The following PCDHGA2 variants were observed in gnomAD, a reference collection of about 807,000 sequenced individuals.
The protein encoded by PCDHGA2 is protocadherin gamma subfamily A, 2.
A neutral mutation model predicts 59.2 loss-of-function variants in PCDHGA2; 40 were observed. The ratio of observed to expected loss-of-function variants is 0.68; its 90% confidence interval spans 0.52 to 0.88. The LOEUF is 0.88. PCDHGA2 is among the 40% of genes least tolerant of loss of function. The probability of loss-of-function intolerance (pLI) is 0.00; values close to 1 mark genes in which losing one functional copy is unlikely to be tolerated. For missense variants in PCDHGA2, 1,226 were observed against 1,204.0 expected (o/e 1.02, Z -0.27); for synonymous variants, 560 against 526.0 (o/e 1.06, Z -0.89).
chr5:141,343,121 T>C (rs546605199), intron 1 of PCDHGA2: 7 of 202,290 alleles, frequency 3.5e-5, no homozygotes, highest in Admixed American at 6.5e-5. Flanking sequence ...TGTTTGCTTT[T>C]ATATCCTTAT....
At chr5:141,397,668 C>T (rs1455080741) in intron 1 of PCDHGA2, among the ~76,000 whole-genome samples, 3 of 152,224 alleles carry the variant, frequency 2.0e-5, no homozygotes, top group African/African-American at 7.2e-5. Flanking sequence ...AAAGAATGGA[C>T]CAATGTATGC....
intron 1 of PCDHGA2, chr5:141,376,077 C>T (rs373865501): frequency 6.2e-7 from 1 of 1,613,380 alleles, no homozygotes; most frequent in Non-Finnish European, 8.5e-7. Flanking sequence ...GTGGCCGTGG[C>T]CGACAGGATC....
intron 1 of PCDHGA2, chr5:141,423,517 T>G (rs750915364): frequency 1.9e-6 from 3 of 1,613,716 alleles, no homozygotes; most frequent in Non-Finnish European, 2.5e-6. Flanking sequence ...CATTGCGGAC[T>G]CGCAGAAGAG....
Position 141,366,189 on chromosome 5 carries a change from G to A in PCDHGA2, c.2424+24794G>A, listed in dbSNP as rs1488464749. ...AGCGAGCCAGGACTCTTTGCGGTTG[G>A]GCTGCACACGGGCGAGGTGCGCACA... On this transcript the variant is annotated intron_variant, in intron 1 of 3. Coordinates refer to ENST00000394576, the MANE Select transcript of PCDHGA2 (RefSeq NM_018915.4). 14 of 1,613,804 alleles carry A rather than the reference G, an allele frequency of 8.7e-6. No homozygotes were observed. In the Middle Eastern group the frequency reaches 9.9e-4, roughly 114 times the overall value.
At chr5:141,376,195 C>T (rs1312737468) in intron 1 of PCDHGA2, 3 of 1,614,172 alleles carry the variant, frequency 1.9e-6, no homozygotes, top group Admixed American at 1.7e-5. Flanking sequence ...CCTGCGTCTT[C>T]CTGGCCTTCG....
At chr5:141,363,080 T>C (rs553480697) in intron 1 of PCDHGA2, among the ~76,000 whole-genome samples, 1 of 152,380 alleles carries the variant, frequency 6.6e-6, no homozygotes, top group African/African-American at 2.4e-5. Context: ...GAATCACAAA[T>C]GTATTTCTAA....
At chr5:141,456,492 G>C (rs542424798) in intron 1 of PCDHGA2, among the ~76,000 whole-genome samples, 1 of 152,284 alleles carries the variant, frequency 6.6e-6, no homozygotes, top group African/African-American at 2.4e-5. Flanking sequence ...GCTTAATAAA[G>C]GGGTTAACCA....
chr5:141,347,437 G>A (rs1409746738), intron 1 of PCDHGA2, among the ~76,000 whole-genome samples: 1 of 152,052 alleles, frequency 6.6e-6, no homozygotes, highest in Non-Finnish European at 1.5e-5. Flanking sequence ...TTAGAGGCAT[G>A]AGCCACCATG....
At chr5:141,402,458 T>C (rs886690950) in intron 1 of PCDHGA2, among the ~76,000 whole-genome samples, 2 of 152,178 alleles carry the variant, frequency 1.3e-5, no homozygotes, top group Non-Finnish European at 2.9e-5. Flanking sequence ...ATAGTTTACA[T>C]ATCTAGAAAT....
At chr5:141,364,327 G>A (rs1433768344) in intron 1 of PCDHGA2, 9 of 1,529,608 alleles carry the variant, frequency 5.9e-6, no homozygotes, top group South Asian at 1.3e-5. Context: ...GCAGAGAGAA[G>A]GCAATGGCGA....
In PCDHGA2 at chr5:141,489,375, G is replaced by A. The variant is rs768190252; in HGVS notation, c.2425-5432G>A. The A allele has an allele frequency of 1.2e-5, 19 of 1,613,826 alleles. No individual in the cohort carries two copies. The Admixed American group carries it at 3.2e-4, about 27-fold the overall frequency. ...AGGAGTCTGAGCCGGGGACGCTGGT[G>A]GGGAATGTTGCTCAGGATCTGGGCT... On this transcript the variant is annotated intron_variant, in intron 1 of 3. Transcript: ENST00000394576. The surrounding 1 kb of genome is among the most constrained non-coding windows in gnomAD (Gnocchi z 4.5).
rs1353509218 is a variant in PCDHGA2, at chr5:141,512,908, TTTATACTC to T, written c.*1737_*1744del. ...CCCTCTTCCTGTGTCTCACGCAAGTTTTATACTCTAATATTTATATGGCTTTTTTTCTT... is the reference window on the plus strand; with the variant it reads ...CCCTCTTCCTGTGTCTCACGCAAGTTTAATATTTATATGGCTTTTTTTCTT... On this transcript the variant is annotated 3_prime_UTR_variant, in exon 4 of 4. Transcript: ENST00000394576. 6.6e-6 allele frequency: 1 copy of T among 152,268 alleles called. No individual in the cohort carries two copies. Among genetic ancestry groups the T allele is most frequent in the Non-Finnish European group, 1.5e-5 (1 of 68,054 alleles). 9.4% of individuals were successfully genotyped at this position (152,268 alleles called of 1,614,324 possible).
In PCDHGA2 at chr5:141,485,076, G is replaced by A; in HGVS notation, c.2425-9731G>A. 2.1e-6 allele frequency: 2 copies of A among 944,586 alleles called. No homozygotes were observed. Among genetic ancestry groups the A allele is most frequent in the East Asian group, 2.4e-5 (1 of 41,508 alleles). The allele number at this position is 944,586 out of a possible 1,614,324, so 58.5% of individuals were successfully genotyped here. ...CCGAACCGCGCCAGAGCTGGCGCGG[G>A]GAAAGGGAGATAGGTGTCTCCAGCT... On this transcript the variant is annotated intron_variant, in intron 1 of 3. Coordinates refer to ENST00000394576, the MANE Select transcript of PCDHGA2 (RefSeq NM_018915.4). This position sits in a 1 kb window ranked among gnomAD's most constrained non-coding sequence, Gnocchi z 5.7.
At chr5:141,488,183 T>C (rs1249953031) in intron 1 of PCDHGA2, among the ~76,000 whole-genome samples, 1 of 152,148 alleles carries the variant, frequency 6.6e-6, no homozygotes, top group Non-Finnish European at 1.5e-5. Flanking sequence ...CATAGATCTT[T>C]TGGTCTGGGT....
intron 1 of PCDHGA2, chr5:141,390,073 G>C: frequency 6.2e-7 from 1 of 1,614,074 alleles, no homozygotes; most frequent in Non-Finnish European, 8.5e-7. Context: ...CCTGGTCTCT[G>C]TGTTAAATCC....
At chr5:141,413,066 A>T in intron 1 of PCDHGA2, 2 of 1,161,944 alleles carry the variant, frequency 1.7e-6, no homozygotes, top group Non-Finnish European at 2.4e-6. Flanking sequence ...TCCAGAATTT[A>T]AAGTGCCCAG....
At chr5:141,439,183 ACT>A (rs1255299140) in intron 1 of PCDHGA2, among the ~76,000 whole-genome samples, 3 of 145,262 alleles carry the variant, frequency 2.1e-5, no homozygotes, top group Non-Finnish European at 3.0e-5. Context: ...ACATAGTGAG[ACT>A]CTGACAAAAA....
Position 141,476,646 on chromosome 5 carries a change from A to G in PCDHGA2, c.2425-18161A>G, listed in dbSNP as rs771366262. 1.9e-6 allele frequency: 3 copies of G among 1,614,132 alleles called. No homozygotes were observed. The highest frequency in any genetic ancestry group is 1.7e-5 in the Admixed American group (1 of 60,010). ...TTACAAACCTATGAGCTGAGCCGAA[A>G]TGAATACTTTGCGCTTCGCGTGCAG... On this transcript the variant is annotated intron_variant, in intron 1 of 3. Transcript: ENST00000394576. This position sits in a 1 kb window ranked among gnomAD's most constrained non-coding sequence, Gnocchi z 7.6.
chr5:141,448,756 C>T (rs938202200), intron 1 of PCDHGA2, among the ~76,000 whole-genome samples: 1 of 151,742 alleles, frequency 6.6e-6, no homozygotes, highest in African/African-American at 2.4e-5. Context: ...CTGGCTAACA[C>T]GGTGAAACCC....
Sources: allele counts gnomAD v4.1 joint callset (sites outside exome capture counted in the v4.1 genomes callset), GRCh38; gene constraint gnomAD v4.1.1; non-coding constraint Gnocchi (gnomAD v3.1); transcripts MANE v1.5; gene names NCBI Gene and HGNC (gene_info 2026-07-23, HGNC 2026-07-21).